Variants in DLGAP4 observed in about 807,000 individuals in gnomAD.
DLGAP4 encodes disks large-associated protein 4.
DLGAP4 carries 18 observed loss-of-function variants against 86.9 expected under a neutral mutation model. The observed-to-expected ratio is 0.21, with a 90% CI of 0.14 to 0.31. DLGAP4 has a LOEUF of 0.31. Among genes scored for constraint, DLGAP4 ranks in the 10% least tolerant of loss-of-function variants. DLGAP4 has a pLI of 1.00. For missense variants in DLGAP4, 1,085 were observed against 1,362.6 expected (o/e 0.80, Z 3.21); for synonymous variants, 548 against 574.3 (o/e 0.95, Z 0.65).
chr20:36,344,259 A>G (rs1188440218), intron 1 of DLGAP4, among the ~76,000 whole-genome samples: 1 of 152,200 alleles, frequency 6.6e-6, no homozygotes, highest in Non-Finnish European at 1.5e-5. Flanking sequence ...GAGTCTCAGA[A>G]TATTCATCTG....
At chr20:36,507,398 T>C (rs1360651168) in intron 10 of DLGAP4, among the ~76,000 whole-genome samples, 1 of 152,042 alleles carries the variant, frequency 6.6e-6, no homozygotes, top group Non-Finnish European at 1.5e-5. Context: ...CAGCTAATTT[T>C]TGTATTTTTA....
At position 36,396,345 on chromosome 20, in the gene DLGAP4, A is replaced by ACACG. The variant is rs2031954677; in HGVS notation, c.-73+29073_-73+29074insGCAC. Among the ~76,000 whole-genome samples the ACACG allele has an allele frequency of 1.7e-5, 2 of 117,936 alleles. 1 individual carries two copies. Among genetic ancestry groups the ACACG allele is most frequent in the Admixed American group, 1.8e-4 (2 of 11,286 alleles). 77.4% of individuals were successfully genotyped at this position (117,936 alleles called of 152,430 possible). On this transcript the variant is annotated intron_variant, in intron 2 of 12. Coordinates refer to ENST00000339266, the MANE Select transcript of DLGAP4 (RefSeq NM_001365621.2). ...AGCACACACACACACACGCACACAC[A>ACACG]CACACACATACCACACGCACATACA...
chr20:36,461,751 G>GTCCGGGCCCCCCCC, intron 7 of DLGAP4: 1 of 618,852 alleles, frequency 1.6e-6, no homozygotes, highest in African/African-American at 3.1e-5. Context: ...CCGTCCGTCC[G>GTCCGGGCCCCCCCC]CCCGCCCGCC....
intron 1 of DLGAP4, among the ~76,000 whole-genome samples, chr20:36,316,067 C>T (rs1473229159): frequency 6.6e-6 from 1 of 152,198 alleles, no homozygotes; most frequent in African/African-American, 2.4e-5. Context: ...CCTTGAGATG[C>T]GTCTGGGGGA....
chr20:36,352,334 T>C (rs2030183454), intron 1 of DLGAP4, among the ~76,000 whole-genome samples: 1 of 151,612 alleles, frequency 6.6e-6, no homozygotes, highest in Non-Finnish European at 1.5e-5. Context: ...AGACTGTGTC[T>C]CAACAGGACT....
At chr20:36,499,249 C>G in intron 8 of DLGAP4, 3 of 1,612,644 alleles carry the variant, frequency 1.9e-6, no homozygotes, top group Non-Finnish European at 2.5e-6. Flanking sequence ...AAGGAGAGGA[C>G]TAGAAGGAAC....
At chr20:36,331,320 A>G (rs1390229445) in intron 1 of DLGAP4, among the ~76,000 whole-genome samples, 15 of 152,240 alleles carry the variant, frequency 9.9e-5, no homozygotes, top group Admixed American at 9.8e-4. Context: ...TCAGGTGCCC[A>G]GCCACCGGGA....
chr20:36,471,891 A>G (rs1182184541), intron 7 of DLGAP4, among the ~76,000 whole-genome samples: 1 of 152,170 alleles, frequency 6.6e-6, no homozygotes, highest in African/African-American at 2.4e-5. Context: ...TTGGAAGAAC[A>G]TACAAGACGA....
At position 36,500,417 on chromosome 20, in the gene DLGAP4, A is replaced by G; in HGVS notation, c.2318A>G (p.Glu773Gly). Residue 773 changes from glutamate (E) to glycine (G), a missense_variant, in exon 10 of 13, where the codon GAG becomes GGG. Physicochemically the swap from Glu to Gly is moderately conservative, Grantham distance 98. Around this residue, in one of 2 missense-constraint regions of DLGAP4, gnomAD observed 1,082 missense variants for 1,344.1 expected, o/e 0.81. Coordinates refer to ENST00000339266, the MANE Select transcript of DLGAP4 (RefSeq NM_001365621.2). The surrounding 1 kb of genome is among the most constrained non-coding windows in gnomAD (Gnocchi z 4.6). The part of the protein sequence containing the change: ...SYGDNSDPAL[E>G]ASSLPPPDPW... ...GGAGACAACAGCGACCCTGCCCTAG[A>G]GGCGTCCTCGCTGCCCCCACCCGAC... 1 of 1,580,976 alleles carries G rather than the reference A, an allele frequency of 6.3e-7. No individual in the cohort carries two copies. Among genetic ancestry groups the G allele is most frequent in the Non-Finnish European group, 8.6e-7 (1 of 1,161,234 alleles).
At chr20:36,374,758 C>T (rs1221975315) in intron 2 of DLGAP4, among the ~76,000 whole-genome samples, 1 of 152,226 alleles carries the variant, frequency 6.6e-6, no homozygotes, top group Non-Finnish European at 1.5e-5. Context: ...GCTTGCATAC[C>T]TCCAGAGATG....
intron 1 of DLGAP4, among the ~76,000 whole-genome samples, chr20:36,355,035 A>G (rs1449412959): frequency 1.3e-5 from 2 of 152,202 alleles, no homozygotes; most frequent in African/African-American, 2.4e-5. Context: ...AAATCCAACT[A>G]TTTTAAGCAT....
At chr20:36,447,514 A>G (rs1355460068) in intron 7 of DLGAP4, among the ~76,000 whole-genome samples, 1 of 152,136 alleles carries the variant, frequency 6.6e-6, no homozygotes, top group Non-Finnish European at 1.5e-5. Context: ...TCTGCCTCCC[A>G]GGTTCAAGCA....
chr20:36,374,223 C>T (rs1057124730), intron 2 of DLGAP4, among the ~76,000 whole-genome samples: 1 of 151,988 alleles, frequency 6.6e-6, no homozygotes, highest in East Asian at 1.9e-4. Context: ...CAAATGACTG[C>T]AGTCTTTGGA....
intron 2 of DLGAP4, among the ~76,000 whole-genome samples, chr20:36,376,213 C>T (rs2031146812): frequency 6.6e-6 from 1 of 151,826 alleles, no homozygotes; most frequent in African/African-American, 2.4e-5. Context: ...TGTGGTGGCT[C>T]ATGCCTGTAA....
At chr20:36,318,234 G>A (rs2065130698) in intron 1 of DLGAP4, among the ~76,000 whole-genome samples, 1 of 151,976 alleles carries the variant, frequency 6.6e-6, no homozygotes, top group African/African-American at 2.4e-5. Context: ...GATAAGGGCT[G>A]TTTCTGGGTA....
In DLGAP4 at chr20:36,436,104, C is replaced by T; in HGVS notation, c.1000-5C>T. The stretch of plus-strand genomic sequence containing the variant: ...GCCCCACTGAGTCCTGTGCCCCATC[C>T]CCAGGTGCCCGGCGGCGGCGGCGAG... On this transcript the variant is annotated splice_polypyrimidine_tract_variant and splice_region_variant and intron_variant, in intron 3 of 12. Transcript: ENST00000339266. The T allele has an allele frequency of 6.4e-7, 1 of 1,566,798 alleles. No homozygotes were observed. The highest frequency in any genetic ancestry group is 1.8e-5 in the Admixed American group (1 of 56,438).
chr20:36,445,596 G>A (rs1009395021), intron 6 of DLGAP4, among the ~76,000 whole-genome samples: 4 of 152,200 alleles, frequency 2.6e-5, no homozygotes, highest in Non-Finnish European at 5.9e-5. Context: ...TGCAGTCTCA[G>A]ATGAGAATGC....
At chr20:36,526,539 G>T (rs2037776926) in intron 12 of DLGAP4, among the ~76,000 whole-genome samples, 1 of 151,992 alleles carries the variant, frequency 6.6e-6, no homozygotes, top group Admixed American at 6.5e-5. Flanking sequence ...CGGGCTCCCG[G>T]TGATTCAACA....
chr20:36,382,519 CT>C (rs1167291519), intron 2 of DLGAP4, among the ~76,000 whole-genome samples: 8 of 140,586 alleles, frequency 5.7e-5, no homozygotes, highest in Non-Finnish European at 7.7e-5. Flanking sequence ...TTCTTTCTTT[CT>C]TTTTTTCTTT....
Sources: allele counts gnomAD v4.1 joint callset (sites outside exome capture counted in the v4.1 genomes callset), GRCh38; gene constraint gnomAD v4.1.1; regional missense constraint gnomAD v4.1.1; non-coding constraint Gnocchi (gnomAD v3.1); transcripts MANE v1.5; gene names NCBI Gene and HGNC (gene_info 2026-07-23, HGNC 2026-07-21).